TYW1B: variants seen among roughly 807,000 people sequenced by gnomAD.
TYW1B encodes the protein tRNA-yW synthesizing protein 1 homolog B, also known as S-adenosyl-L-methionine-dependent tRNA 4-demethylwyosine synthase TYW1B.
A neutral mutation model predicts 86.9 loss-of-function variants in TYW1B; 73 were observed. The observed-to-expected ratio is 0.84, with a 90% confidence interval of 0.70 to 1.02. The LOEUF (loss-of-function observed/expected upper bound fraction) is 1.02. Among genes scored for constraint, TYW1B ranks in the 50% least tolerant of loss-of-function variants. The pLI is 0.00. For synonymous variants in TYW1B, 248 were observed against 292.8 expected, an observed-to-expected ratio of 0.85 and a Z score of 1.56; for missense variants, 637 against 827.4, an observed-to-expected ratio of 0.77 and a Z score of 2.82.
intron 6 of TYW1B, among the ~76,000 whole-genome samples, chr7:72,792,943 T>G: frequency 6.6e-6 from 1 of 152,184 alleles, no homozygotes; most frequent in East Asian, 1.9e-4. Context: ...GCAAGAATAT[T>G]GTCAAACTGA....
At chr7:72,593,321 A>G (rs1554431914) in intron 13 of TYW1B, among the ~76,000 whole-genome samples, 1 of 151,866 alleles carries the variant, frequency 6.6e-6, no homozygotes, top group Non-Finnish European at 1.5e-5. Flanking sequence ...GAAAGAAAAT[A>G]AAGCACTTGA....
intron 9 of TYW1B, among the ~76,000 whole-genome samples, chr7:72,719,758 G>T (rs1219349260): frequency 1.3e-5 from 2 of 152,118 alleles, no homozygotes; most frequent in African/African-American, 2.4e-5. Context: ...GGCTGGTCAG[G>T]ATAAGTCTTG....
At chr7:72,661,061 G>C (rs2129569438) in intron 11 of TYW1B, among the ~76,000 whole-genome samples, 1 of 151,608 alleles carries the variant, frequency 6.6e-6, no homozygotes, top group African/African-American at 2.4e-5. Flanking sequence ...CTTGAACCCA[G>C]GAGGCGGAGG....
rs371144509 is a variant in TYW1B at position 72,702,986 on chromosome 7, CTATATATATATATATA to C, written c.1371-8180_1371-8165del. On this transcript the variant is annotated intron_variant, in intron 10 of 13. Coordinates refer to ENST00000620995, the MANE Select transcript of TYW1B (RefSeq NM_001145440.3). Reference sequence around the variant, plus strand: ...TATCATCATTCATCTATCTATCTATCTATATATATATATATATATATATATATATATATATATATAT... The same window carrying C: ...TATCATCATTCATCTATCTATCTATCTATATATATATATATATATATATAT... Among the ~76,000 whole-genome samples, 122 of 36,316 alleles carry C rather than the reference CTATATATATATATATA, an allele frequency of 3.4e-3. 1 individual carries two copies. The highest frequency in any genetic ancestry group is 9.3e-3 in the African/African-American group (109 of 11,722). 23.8% of individuals were successfully genotyped at this position (36,316 alleles called of 152,430 possible). A position where few individuals can be genotyped will look rare whatever the true frequency, so the allele number is the denominator to read the frequency against.
chr7:72,594,695 C>T (rs1811485356), intron 13 of TYW1B, among the ~76,000 whole-genome samples: 1 of 152,040 alleles, frequency 6.6e-6, no homozygotes, highest in African/African-American at 2.4e-5. Context: ...AGACAAAGAT[C>T]GTACTGGAAG....
chr7:72,773,973 G>A lies in TYW1B; in HGVS notation c.964+3443C>T, dbSNP rs149156482. Reference sequence around the variant, plus strand: ...CCAGCTACTCGGGAGGCTGAGGCAGGAGAATCACTTGAACTCAGGAGGAGG... The same window carrying A: ...CCAGCTACTCGGGAGGCTGAGGCAGAAGAATCACTTGAACTCAGGAGGAGG... On this transcript the variant is annotated intron_variant, in intron 7 of 13. Transcript: ENST00000620995. Among the ~76,000 whole-genome samples the A allele has an allele frequency of 4.7e-3, 710 of 150,484 alleles. 4 individuals are homozygous for A. Among genetic ancestry groups the A allele is most frequent in the Non-Finnish European group, 7.2e-3 (489 of 67,798 alleles).
intron 8 of TYW1B, 103 bp downstream of exon 8, chr7:72,744,381 C>T: frequency 8.0e-7 from 1 of 1,254,926 alleles, no homozygotes; most frequent in Non-Finnish European, 1.1e-6. Flanking sequence ...AGATTAATCA[C>T]CAAGACAGCA....
At chr7:72,585,304 T>G (rs1337704508) in intron 13 of TYW1B, among the ~76,000 whole-genome samples, 3 of 152,230 alleles carry the variant, frequency 2.0e-5, no homozygotes, top group Non-Finnish European at 4.4e-5. Context: ...GTCTCATAGT[T>G]CTACACATTC....
At position 72,661,004 on chromosome 7, in the gene TYW1B, A is replaced by G. The variant is rs572671056; in HGVS notation, c.1507-32007T>C. ...CAAAAGATTAGCTAGGCGTGGTGGC[A>G]CGCACCTTTAATCCCAGCTATTCGG... On this transcript the variant is annotated intron_variant, in intron 11 of 13. Transcript: ENST00000620995. Among the ~76,000 whole-genome samples the G allele has an allele frequency of 1.3e-4, 20 of 149,018 alleles. No individual in the cohort carries two copies. The South Asian group carries it at 4.1e-3, about 31-fold the overall frequency.
chr7:72,725,890 G>A (rs1489737247), intron 9 of TYW1B, among the ~76,000 whole-genome samples: 10 of 151,626 alleles, frequency 6.6e-5, no homozygotes, highest in Non-Finnish European at 1.0e-4. Flanking sequence ...CCTCACACAC[G>A]CACACACATA....
At chr7:72,818,927 C>T (rs1554479950) in intron 2 of TYW1B, among the ~76,000 whole-genome samples, 2 of 152,142 alleles carry the variant, frequency 1.3e-5, no homozygotes, top group Non-Finnish European at 2.9e-5. Context: ...CCAAGCCCCA[C>T]CTCCAACACT....
intron 9 of TYW1B, among the ~76,000 whole-genome samples, chr7:72,717,726 G>C (rs1337216338): frequency 4.6e-5 from 7 of 151,802 alleles, no homozygotes; most frequent in African/African-American, 1.7e-4. Context: ...ATACGAAAGT[G>C]TAAGTTACGT....
At position 72,694,548 on chromosome 7, in the gene TYW1B, C is replaced by T. The variant is rs1461337544; in HGVS notation, c.1506+139G>A. On this transcript the variant is annotated intron_variant, in intron 11 of 13. Transcript: ENST00000620995. ...TTGAAGAAGTCTCTAAAAAGTTGAACGCTATATTTCATCTTTTTTTATTTT... is the reference window on the plus strand; with the variant it reads ...TTGAAGAAGTCTCTAAAAAGTTGAATGCTATATTTCATCTTTTTTTATTTT... The T allele has an allele frequency of 6.0e-5, 75 of 1,252,840 alleles. No individual in the cohort carries two copies. The African/African-American group carries it at 6.8e-4, about 11-fold the overall frequency. The allele number at this position is 1,252,840 out of a possible 1,614,324, so 77.6% of individuals were successfully genotyped here.
intron 9 of TYW1B, among the ~76,000 whole-genome samples, chr7:72,719,670 TGGA>T (rs1277716751): frequency 4.0e-5 from 5 of 125,862 alleles, no homozygotes; most frequent in African/African-American, 1.2e-4. Context: ...GATAGGCACG[TGGA>T]GAAGAAAAGA....
At chr7:72,810,029 T>C (rs4717687) in intron 4 of TYW1B, among the ~76,000 whole-genome samples, 99,150 of 143,190 alleles carry the variant, frequency 0.69, 35,016 homozygotes, top group Middle Eastern at 0.77. Flanking sequence ...CAGAAGAGGC[T>C]GGGCACAGTG....
intron 5 of TYW1B, 55 bp downstream of exon 5, chr7:72,807,011 G>A (rs2129572596): frequency 7.0e-6 from 11 of 1,574,386 alleles, no homozygotes; most frequent in Admixed American, 1.8e-5. Context: ...GCTCAAGCTC[G>A]AGATCTCCAA....
chr7:72,577,046 G>A (rs1279083629), intron 13 of TYW1B, among the ~76,000 whole-genome samples: 1 of 151,958 alleles, frequency 6.6e-6, no homozygotes, highest in African/African-American at 2.4e-5. Flanking sequence ...AGAATCACTT[G>A]AACCTGGGAG....
At chr7:72,815,358 G>A (rs568968157) in intron 3 of TYW1B, 22 bp downstream of exon 3, 22 of 1,560,402 alleles carry the variant, frequency 1.4e-5, no homozygotes, top group East Asian at 6.9e-5. Flanking sequence ...AGTTTTGATT[G>A]AAGAAAAAGA....
At chr7:72,722,549 T>C (rs1554457761) in intron 9 of TYW1B, among the ~76,000 whole-genome samples, 1 of 152,194 alleles carries the variant, frequency 6.6e-6, no homozygotes, top group African/African-American at 2.4e-5. Context: ...TTTGTATGTA[T>C]ATAAAAGGAA....
Sources: gnomAD v4.1 joint callset for allele counts (sites outside exome capture counted in the v4.1 genomes callset) on GRCh38, gnomAD v4.1.1 for gene constraint, MANE v1.5 for transcripts, NCBI Gene and HGNC (gene_info 2026-07-23, HGNC 2026-07-21) for gene names.